Variants in RAI14 observed in about 807,000 individuals in gnomAD.
RAI14 encodes retinoic acid induced 14.
In RAI14, 45 loss-of-function variants were observed where a neutral mutation model predicts 115.4. The observed-to-expected ratio is 0.39, with a 90% confidence interval of 0.31 to 0.50. The LOEUF (loss-of-function observed/expected upper bound fraction) is 0.50. RAI14 is among the 20% of genes least tolerant of loss of function. RAI14 has a pLI of 0.85. For missense variants in RAI14, 939 were observed against 1,131.2 expected, an observed-to-expected ratio of 0.83 and a Z score of 2.44; for synonymous variants, 371 against 415.4, an observed-to-expected ratio of 0.89 and a Z score of 1.30.
At chr5:34,789,380 T>C (rs991331251) in intron 3 of RAI14, among the ~76,000 whole-genome samples, 4 of 152,260 alleles carry the variant, frequency 2.6e-5, no homozygotes, top group African/African-American at 9.6e-5. Context: ...GCTATGCTTC[T>C]GGTTCACATT....
intron 2 of RAI14, among the ~76,000 whole-genome samples, chr5:34,754,965 C>T (rs1181272919): frequency 1.3e-5 from 2 of 152,278 alleles, no homozygotes; most frequent in East Asian, 3.9e-4. Flanking sequence ...GAGATTTGAT[C>T]ATATCCTTTT....
chr5:34,671,183 G>A (rs1475014421), intron 1 of RAI14, among the ~76,000 whole-genome samples: 1 of 152,076 alleles, frequency 6.6e-6, no homozygotes. Context: ...ATTGAGGATG[G>A]TCTTTTGGCA....
intron 3 of RAI14, among the ~76,000 whole-genome samples, chr5:34,794,205 A>C (rs336460): frequency 0.66 from 100,729 of 152,002 alleles, 34,757 homozygotes; most frequent in African/African-American, 0.85. Flanking sequence ...TGTGGATCAC[A>C]TGAGGTCAGG....
chr5:34,667,113 C>T (rs1321065877), intron 1 of RAI14: 2 of 152,192 alleles, frequency 1.3e-5, no homozygotes, highest in African/African-American at 4.8e-5. Flanking sequence ...CTCAGCACTG[C>T]ACTTCTACAC....
chr5:34,799,511 C>CACAT (rs1753948988), intron 4 of RAI14, among the ~76,000 whole-genome samples: 1 of 81,160 alleles, frequency 1.2e-5, no homozygotes, highest in South Asian at 4.6e-4. Flanking sequence ...CACACACACA[C>CACAT]ACACACACAC....
chr5:34,681,818 T>C (rs1477368802), intron 1 of RAI14, among the ~76,000 whole-genome samples: 1 of 151,646 alleles, frequency 6.6e-6, no homozygotes, highest in African/African-American at 2.4e-5. Flanking sequence ...TCTTTTTTCA[T>C]CAGTCTAGAG....
chr5:34,814,754 C>A, intron 12 of RAI14, 85 bp downstream of exon 12: 1 of 1,054,186 alleles, frequency 9.5e-7, no homozygotes, highest in Non-Finnish European at 1.5e-6. Context: ...CTGGGAAAAA[C>A]AGAATATACT....
chr5:34,825,807 T>C (rs1381812296), intron 15 of RAI14, among the ~76,000 whole-genome samples: 1 of 151,974 alleles, frequency 6.6e-6, no homozygotes, highest in Non-Finnish European at 1.5e-5. Context: ...TTGTAATGAG[T>C]GTTTCAAAAG....
intron 2 of RAI14, among the ~76,000 whole-genome samples, chr5:34,740,179 G>C (rs764811477): frequency 6.6e-6 from 1 of 152,126 alleles, no homozygotes; most frequent in Non-Finnish European, 1.5e-5. Context: ...AGGATGCCCT[G>C]GAAATAAAGT....
intron 1 of RAI14, 135 bp downstream of exon 1, chr5:34,656,610 C>T (rs1454858026): frequency 6.6e-6 from 1 of 152,478 alleles, no homozygotes; most frequent in East Asian, 1.9e-4. Flanking sequence ...GGGCTGCAGC[C>T]GGGGTCCCGC....
At chr5:34,757,813 A>T in intron 3 of RAI14, 1 of 402,114 alleles carries the variant, frequency 2.5e-6, no homozygotes, top group Non-Finnish European at 4.1e-6. Context: ...CCCAAGTATA[A>T]GCAAAGGTTT....
intron 1 of RAI14, among the ~76,000 whole-genome samples, chr5:34,682,107 G>A (rs183638953): frequency 8.6e-5 from 13 of 151,934 alleles, no homozygotes; most frequent in East Asian, 5.8e-4. Flanking sequence ...CACCCGCCTC[G>A]GCCTCCCAAA....
intron 2 of RAI14, among the ~76,000 whole-genome samples, chr5:34,725,981 C>CAAAAAAA (rs1743415477): frequency 7.4e-6 from 1 of 135,682 alleles, no homozygotes. Flanking sequence ...AAAAAAAAGC[C>CAAAAAAA]ACAAATACAT....
intron 2 of RAI14, among the ~76,000 whole-genome samples, chr5:34,752,867 A>G (rs796093336): frequency 6.6e-5 from 10 of 151,470 alleles, no homozygotes; most frequent in African/African-American, 2.4e-4. Context: ...TCCCGGGTTC[A>G]AACGATTCTC....
intron 1 of RAI14, among the ~76,000 whole-genome samples, chr5:34,683,829 G>A (rs968856886): frequency 6.6e-6 from 1 of 151,800 alleles, no homozygotes; most frequent in African/African-American, 2.4e-5. Flanking sequence ...CCGGGTTCAC[G>A]CCATTCTCCT....
At position 34,803,779 on chromosome 5, in the gene RAI14, A is replaced by G; in HGVS notation, c.321+3A>G. ...AATGCATCAGGAAGCTGCTTCAGGT[A>G]AGCTGGTGACAACTTAGAATTATAA... On this transcript the variant is annotated splice_donor_region_variant and intron_variant, in intron 5 of 17. Transcript: ENST00000265109. 6.2e-7 allele frequency: 1 copy of G among 1,610,326 alleles called. No homozygotes were observed. Among genetic ancestry groups the G allele is most frequent in the Non-Finnish European group, 8.5e-7 (1 of 1,177,774 alleles).
At chr5:34,745,129 T>C (rs1452136103) in intron 2 of RAI14, among the ~76,000 whole-genome samples, 1 of 152,208 alleles carries the variant, frequency 6.6e-6, no homozygotes, top group East Asian at 1.9e-4. Context: ...TTACATTCTG[T>C]GGTACTGGGA....
chr5:34,694,984 T>C (rs1278681480), intron 2 of RAI14, among the ~76,000 whole-genome samples: 1 of 152,102 alleles, frequency 6.6e-6, no homozygotes, highest in Non-Finnish European at 1.5e-5. Context: ...CTGCAGCCTC[T>C]GCCTCTGGAG....
chr5:34,754,842 C>T (rs998916502), intron 2 of RAI14, among the ~76,000 whole-genome samples: 14 of 152,238 alleles, frequency 9.2e-5, no homozygotes, highest in Middle Eastern at 3.4e-3. Flanking sequence ...TTTTAGGGAA[C>T]CCCTGCAATC....
Sources: allele counts gnomAD v4.1 joint callset (sites outside exome capture counted in the v4.1 genomes callset), GRCh38; gene constraint gnomAD v4.1.1; transcripts MANE v1.5; gene names NCBI Gene and HGNC (gene_info 2026-07-23, HGNC 2026-07-21).